YY1: variants seen among roughly 807,000 people sequenced by gnomAD.
YY1 encodes transcriptional repressor protein YY1.
In YY1, 2 loss-of-function variants were observed where a neutral mutation model predicts 35.6. That is an observed-to-expected ratio of 0.06 (90% CI 0.02 to 0.18). The LOEUF is 0.18. Among genes scored for constraint, YY1 ranks in the 10% least tolerant of loss-of-function variants. YY1 has a pLI of 1.00. For synonymous variants in YY1, 268 were observed against 238.9 expected (o/e 1.12, Z -1.12); for missense variants, 322 against 573.4 (o/e 0.56, Z 4.48).
At chr14:100,265,843 T>C (rs1891146696) in intron 2 of YY1, among the ~76,000 whole-genome samples, 1 of 151,962 alleles carries the variant, frequency 6.6e-6, no homozygotes, top group Non-Finnish European at 1.5e-5. Flanking sequence ...GAGACAAGGT[T>C]TCACCATCTT....
At chr14:100,271,074 C>T (rs1313991212) in intron 2 of YY1, among the ~76,000 whole-genome samples, 1 of 152,010 alleles carries the variant, frequency 6.6e-6, no homozygotes, top group East Asian at 1.9e-4. Flanking sequence ...TAAGAAACCC[C>T]GTCTCTGCTA....
At position 100,282,113 on chromosome 14, in the gene YY1, T is replaced by G. The variant is rs1891443784; in HGVS notation, c.*4513T>G. ...AAACTGGGTGCCGTAAGGTGGGAGG[T>G]GACACATGGAGAGCTTCGTCCTGGC... On this transcript the variant is annotated 3_prime_UTR_variant, in exon 5 of 5. Transcript: ENST00000262238. 6.6e-6 allele frequency: 1 copy of G among 151,990 alleles called. No individual in the cohort carries two copies. Among genetic ancestry groups the G allele is most frequent in the Non-Finnish European group, 1.5e-5 (1 of 68,022 alleles). 9.4% of individuals were successfully genotyped at this position (151,990 alleles called of 1,614,324 possible).
At chr14:100,249,243 C>T (rs1432652566) in intron 1 of YY1, among the ~76,000 whole-genome samples, 3 of 150,338 alleles carry the variant, frequency 2.0e-5, no homozygotes, top group South Asian at 2.1e-4. Flanking sequence ...GCCTCAGCCT[C>T]CTGAGTAACT....
At chr14:100,256,983 C>T (rs975817829) in intron 1 of YY1, among the ~76,000 whole-genome samples, 1 of 151,806 alleles carries the variant, frequency 6.6e-6, no homozygotes, top group Non-Finnish European at 1.5e-5. Flanking sequence ...AGGCTTCTTT[C>T]ATATATTTTT....
chr14:100,278,045 A>AT lies in YY1; in HGVS notation c.*450dup, dbSNP rs1472636217. 1.3e-5 allele frequency: 2 copies of AT among 157,714 alleles called. No individual in the cohort carries two copies. The highest frequency in any genetic ancestry group is 4.8e-5 in the African/African-American group (2 of 41,278). The allele number at this position is 157,714 out of a possible 1,614,324, so 9.8% of individuals were successfully genotyped here. ...GATATGCTTAGTAATGCTACGTGTG[A>AT]TTTTTCTGGAGGTTGATAACTTTGC... On this transcript the variant is annotated 3_prime_UTR_variant, in exon 5 of 5. Coordinates refer to ENST00000262238, the MANE Select transcript of YY1 (RefSeq NM_003403.5).
intron 1 of YY1, among the ~76,000 whole-genome samples, chr14:100,260,847 A>ACGCAGTGAC (rs1891076977): frequency 9.4e-6 from 1 of 106,730 alleles, no homozygotes; most frequent in Non-Finnish European, 1.8e-5. Context: ...AGTTGCAGTG[A>ACGCAGTGAC]CGCAGTGACG....
At chr14:100,248,135 T>TTTTTTTTTGG (rs1890862914) in intron 1 of YY1, among the ~76,000 whole-genome samples, 1 of 148,756 alleles carries the variant, frequency 6.7e-6, no homozygotes, top group Non-Finnish European at 1.5e-5. Flanking sequence ...TTTTTTTTTT[T>TTTTTTTTTGG]GAGACAGTCT....
At position 100,262,443 on chromosome 14, in the gene YY1, C is replaced by T; in HGVS notation, c.819C>T (p.Pro273=). 3 of 1,614,116 alleles carry T rather than the reference C, an allele frequency of 1.9e-6. No individual in the cohort carries two copies. Among genetic ancestry groups the T allele is most frequent in the Non-Finnish European group, 2.5e-6 (3 of 1,180,014 alleles). ...GGIPGIDLSD[P]KQLAEFARMK... Reference sequence around the variant, plus strand: ...TACCTGGCATTGACCTCTCAGATCCCAAACAACTGGCAGAATTTGCTAGGT... The same window carrying T: ...TACCTGGCATTGACCTCTCAGATCCTAAACAACTGGCAGAATTTGCTAGGT... The change falls in exon 2 of 5, where the codon CCC becomes CCT. Residue 273 remains proline (P), a synonymous_variant. Coordinates refer to ENST00000262238, the MANE Select transcript of YY1 (RefSeq NM_003403.5).
At position 100,276,796 on chromosome 14, in the gene YY1, T is replaced by C; in HGVS notation, c.1062+148T>C. The C allele has an allele frequency of 1.6e-6, 2 of 1,230,536 alleles. No individual in the cohort carries two copies. The highest frequency in any genetic ancestry group is 2.3e-6 in the Non-Finnish European group (2 of 868,998). 76.2% of individuals were successfully genotyped at this position (1,230,536 alleles called of 1,614,324 possible). ...GAGAAACAAAACTTCTCCTGGGGAG[T>C]CGCTTAGAAGGGTTGCCGGGGCTCT... On this transcript the variant is annotated intron_variant, in intron 4 of 4. Coordinates refer to ENST00000262238, the MANE Select transcript of YY1 (RefSeq NM_003403.5). This position sits in a 1 kb window ranked among gnomAD's most constrained non-coding sequence, Gnocchi z 4.1.
chr14:100,260,771 CTTTTTTTTTTTTTTTTTTTTTTTTTTTT>C (rs71113254), intron 1 of YY1, among the ~76,000 whole-genome samples: 1 of 42,568 alleles, frequency 2.3e-5, no homozygotes, highest in African/African-American at 9.2e-5. Flanking sequence ...GTGCCTGGTC[CTTTTTTTTTTTTTTTTTTTTTTTTTTTT>C]TTTTTTTTTT....
At chr14:100,245,637 C>T (rs757112486) in intron 1 of YY1, among the ~76,000 whole-genome samples, 8 of 151,726 alleles carry the variant, frequency 5.3e-5, no homozygotes, top group Non-Finnish European at 8.8e-5. Flanking sequence ...AACGGAGTCT[C>T]GCTTTGTTGC....
rs753431881 is a variant in YY1, at chr14:100,239,940, C to T, written c.679+17C>T. On this transcript the variant is annotated intron_variant, in intron 1 of 4. Transcript: ENST00000262238. The stretch of plus-strand genomic sequence containing the variant: ...GGTCCTCAGGTGAGCGCCGGCCGCG[C>T]GCCCCGGCCCCGGGATGTTTTTGTT... 7 of 1,514,004 alleles carry T rather than the reference C, an allele frequency of 4.6e-6. No individual in the cohort carries two copies. In the South Asian group the frequency reaches 8.7e-5, roughly 19 times the overall value. The allele number at this position is 1,514,004 out of a possible 1,614,324, so 93.8% of individuals were successfully genotyped here.
At chr14:100,253,506 G>C (rs61992941) in intron 1 of YY1, among the ~76,000 whole-genome samples, 7,391 of 151,798 alleles carry the variant, frequency 0.049, 206 homozygotes, top group African/African-American at 0.061. Flanking sequence ...CAACCTCTGC[G>C]TCTCAGGTTC....
At chr14:100,248,121 C>CTTTTTCTTT (rs1555369346) in intron 1 of YY1, among the ~76,000 whole-genome samples, 1 of 117,660 alleles carries the variant, frequency 8.5e-6, no homozygotes, top group Non-Finnish European at 1.7e-5. Context: ...ATTTTTTTTT[C>CTTTTTCTTT]TTTTTTTTTT....
intron 1 of YY1, among the ~76,000 whole-genome samples, chr14:100,253,028 G>A (rs1180890483): frequency 6.6e-6 from 1 of 152,172 alleles, no homozygotes; most frequent in Non-Finnish European, 1.5e-5. Context: ...GGACAACAGA[G>A]TGAGACCCTG....
At chr14:100,245,968 T>C (rs910149316) in intron 1 of YY1, among the ~76,000 whole-genome samples, 1 of 152,154 alleles carries the variant, frequency 6.6e-6, no homozygotes, top group African/African-American at 2.4e-5. Context: ...TTGCATTTAA[T>C]AGGGAAGATA....
At chr14:100,256,699 A>AG (rs1310701994) in intron 1 of YY1, among the ~76,000 whole-genome samples, 1 of 152,212 alleles carries the variant, frequency 6.6e-6, no homozygotes, top group Non-Finnish European at 1.5e-5. Flanking sequence ...GGGAAGTGAA[A>AG]GTTCTTGCAT....
intron 1 of YY1, among the ~76,000 whole-genome samples, chr14:100,256,696 G>A (rs566777377): frequency 6.6e-6 from 1 of 152,322 alleles, no homozygotes; most frequent in South Asian, 2.1e-4. Context: ...GAGGGGAAGT[G>A]AAAGTTCTTG....
At position 100,260,771 on chromosome 14, in the gene YY1, C is replaced by CTTTTTTTTTTTTTTTTT. The variant is rs71113254; in HGVS notation, c.680-1510_680-1494dup. On this transcript the variant is annotated intron_variant, in intron 1 of 4. Transcript: ENST00000262238. ...CAGGTGTGAGCCACCGTGCCTGGTC[C>CTTTTTTTTTTTTTTTTT]TTTTTTTTTTTTTTTTTTTTTTTTT... Among the ~76,000 whole-genome samples, 8 of 42,568 alleles carry CTTTTTTTTTTTTTTTTT rather than the reference C, an allele frequency of 1.9e-4. 2 individuals carry two copies. The highest frequency in any genetic ancestry group is 3.0e-4 in the Non-Finnish European group (7 of 22,954). 27.9% of individuals were successfully genotyped at this position (42,568 alleles called of 152,430 possible). A position where few individuals can be genotyped will look rare whatever the true frequency, so the allele number is the denominator to read the frequency against.
Sources: allele counts gnomAD v4.1 joint callset (sites outside exome capture counted in the v4.1 genomes callset), GRCh38; gene constraint gnomAD v4.1.1; non-coding constraint Gnocchi (gnomAD v3.1); transcripts MANE v1.5; gene names NCBI Gene and HGNC (gene_info 2026-07-23, HGNC 2026-07-21).